The following APBB2 variants were observed in gnomAD, a reference collection of about 807,000 sequenced individuals.
APBB2 encodes amyloid beta precursor protein binding family B member 2.
APBB2 carries 38 observed loss-of-function variants against 82.5 expected under a neutral mutation model. The ratio of observed to expected loss-of-function variants is 0.46; its 90% CI spans 0.36 to 0.60. The LOEUF is 0.60. Among genes scored for constraint, APBB2 ranks in the 20% least tolerant of loss-of-function variants. The probability of loss-of-function intolerance (pLI) is 0.00; values close to 1 mark genes in which losing one functional copy is unlikely to be tolerated. For synonymous variants in APBB2, 341 were observed against 368.2 expected, an observed-to-expected ratio of 0.93 and a Z score of 0.85; for missense variants, 772 against 972.3, an observed-to-expected ratio of 0.79 and a Z score of 2.74.
intron 3 of APBB2, among the ~76,000 whole-genome samples, chr4:41,094,057 A>G (rs1373901016): frequency 1.3e-5 from 2 of 152,190 alleles, no homozygotes; most frequent in African/African-American, 4.8e-5. Context: ...GATTGACACA[A>G]TGTATACATA....
chr4:41,107,617 C>T lies in APBB2; in HGVS notation c.-260-6867G>A, dbSNP rs115262479. On this transcript the variant is annotated intron_variant, in intron 2 of 17. Transcript: ENST00000508593. ...CTAAGAGAAAAGGCATCTTTACAAACGGAGAGTTCTGGCAGACCAGCTCAA... is the reference window on the plus strand; with the variant it reads ...CTAAGAGAAAAGGCATCTTTACAAATGGAGAGTTCTGGCAGACCAGCTCAA... Among the ~76,000 whole-genome samples, 1,049 of 152,268 alleles carry T rather than the reference C, an allele frequency of 6.9e-3. 13 individuals are homozygous for T. The highest frequency in any genetic ancestry group is 0.021 in the African/African-American group (887 of 41,542).
chr4:41,047,455 G>A (rs1431814346), intron 4 of APBB2, among the ~76,000 whole-genome samples: 1 of 152,266 alleles, frequency 6.6e-6, no homozygotes, highest in African/African-American at 2.4e-5. Context: ...AGCCCACAGG[G>A]ATAGGGCTCC....
At chr4:41,188,944 A>C (rs1321245186) in intron 1 of APBB2, among the ~76,000 whole-genome samples, 4 of 152,164 alleles carry the variant, frequency 2.6e-5, no homozygotes, top group African/African-American at 9.7e-5. Flanking sequence ...GGCAACATAC[A>C]TGGCTGGTAG....
At chr4:40,885,929 G>A (rs1353163616) in intron 12 of APBB2, among the ~76,000 whole-genome samples, 3 of 152,080 alleles carry the variant, frequency 2.0e-5, no homozygotes, top group Non-Finnish European at 2.9e-5. Context: ...AGTGACTATA[G>A]AATCTTTTTT....
At chr4:40,962,944 A>C (rs1473381938) in intron 6 of APBB2, among the ~76,000 whole-genome samples, 1 of 152,238 alleles carries the variant, frequency 6.6e-6, no homozygotes, top group South Asian at 2.1e-4. Flanking sequence ...TATGAGAAAA[A>C]CGCTCTTGAA....
intron 10 of APBB2, among the ~76,000 whole-genome samples, chr4:40,921,731 A>C (rs74489895): frequency 0.015 from 2,311 of 152,334 alleles, 60 homozygotes; most frequent in African/African-American, 0.052. Flanking sequence ...TGAGCTCGTA[A>C]CTGAAAAAAG....
chr4:40,955,447 T>C (rs769246469), intron 6 of APBB2, among the ~76,000 whole-genome samples: 44 of 152,348 alleles, frequency 2.9e-4, no homozygotes, highest in Non-Finnish European at 5.6e-4. Context: ...GTGATGTGAT[T>C]TGTATTTTGA....
intron 3 of APBB2, among the ~76,000 whole-genome samples, chr4:41,073,212 C>A (rs978872930): frequency 5.2e-4 from 79 of 152,226 alleles, no homozygotes; most frequent in African/African-American, 1.8e-3. Context: ...TACTTCACTG[C>A]TCATATAGCA....
chr4:41,088,393 T>C (rs1205381264), intron 3 of APBB2, among the ~76,000 whole-genome samples: 1 of 152,232 alleles, frequency 6.6e-6, no homozygotes, highest in Non-Finnish European at 1.5e-5. Flanking sequence ...CCTAGGATTA[T>C]ATGGGGAGCT....
intron 1 of APBB2, among the ~76,000 whole-genome samples, chr4:41,189,383 G>A (rs1160050839): frequency 4.6e-5 from 7 of 152,088 alleles, no homozygotes; most frequent in African/African-American, 1.7e-4. Context: ...GGCCACAGGA[G>A]GGATAGGAAT....
chr4:40,823,359 G>A (rs1434779251), intron 16 of APBB2, among the ~76,000 whole-genome samples: 1 of 152,110 alleles, frequency 6.6e-6, no homozygotes, highest in Non-Finnish European at 1.5e-5. Context: ...GAGAGTGAGC[G>A]ACTACTAGCG....
chr4:40,893,985 CAAA>C (rs1177644160), intron 10 of APBB2, among the ~76,000 whole-genome samples: 3 of 135,690 alleles, frequency 2.2e-5, no homozygotes, highest in Non-Finnish European at 3.2e-5. Flanking sequence ...ACAACAACAA[CAAA>C]AAAAGAATAG....
chr4:41,159,241 T>C (rs2154032796), intron 1 of APBB2, among the ~76,000 whole-genome samples: 1 of 152,244 alleles, frequency 6.6e-6, no homozygotes, highest in South Asian at 2.1e-4. Context: ...TATCTCTCTC[T>C]TTTTCTTTCT....
At chr4:40,862,367 T>C (rs1448154425) in intron 12 of APBB2, among the ~76,000 whole-genome samples, 1 of 152,218 alleles carries the variant, frequency 6.6e-6, no homozygotes, top group Non-Finnish European at 1.5e-5. Flanking sequence ...CAGCCAAAGA[T>C]AAAAGCAGCT....
chr4:40,856,071 A>G (rs1160908263), intron 12 of APBB2, among the ~76,000 whole-genome samples: 1 of 152,344 alleles, frequency 6.6e-6, no homozygotes, highest in Non-Finnish European at 1.5e-5. Flanking sequence ...GGAAGGGCCA[A>G]CTGCTCAATG....
intron 5 of APBB2, among the ~76,000 whole-genome samples, chr4:41,014,702 T>C (rs1424804149): frequency 6.6e-6 from 1 of 152,226 alleles, no homozygotes; most frequent in Non-Finnish European, 1.5e-5. Context: ...CATTTTCTTC[T>C]GGTGGCTGGT....
At chr4:40,991,836 G>A (rs1382901609) in intron 6 of APBB2, among the ~76,000 whole-genome samples, 6 of 151,986 alleles carry the variant, frequency 3.9e-5, no homozygotes, top group Admixed American at 6.6e-5. Context: ...GATGCTACTC[G>A]TCTCATCCCT....
chr4:41,068,646 G>A (rs912252346), intron 3 of APBB2, among the ~76,000 whole-genome samples: 1 of 152,086 alleles, frequency 6.6e-6, no homozygotes, highest in Non-Finnish European at 1.5e-5. Context: ...ACCCCTAAGA[G>A]TAGAACTTCA....
intron 10 of APBB2, among the ~76,000 whole-genome samples, chr4:40,911,786 G>A (rs967694432): frequency 4.0e-5 from 6 of 150,100 alleles, no homozygotes; most frequent in African/African-American, 1.5e-4. Flanking sequence ...AGGGGGACAC[G>A]GATTCCTGTG....
Sources: allele counts gnomAD v4.1 joint callset (sites outside exome capture counted in the v4.1 genomes callset), GRCh38; gene constraint gnomAD v4.1.1; transcripts MANE v1.5; gene names NCBI Gene and HGNC (gene_info 2026-07-23, HGNC 2026-07-21).